The following KCNMB2 variants were observed in gnomAD, a reference collection of about 807,000 sequenced individuals.
KCNMB2 encodes the protein calcium-activated potassium channel subunit beta-2.
KCNMB2 carries 9 observed loss-of-function variants against 24.5 expected under a neutral mutation model. The observed-to-expected ratio is 0.37, with a 90% CI of 0.22 to 0.64. KCNMB2 has a LOEUF of 0.64. KCNMB2 is among the 30% of genes least tolerant of loss of function. The pLI is 0.63. For missense variants in KCNMB2, 226 were observed against 284.3 expected, an observed-to-expected ratio of 0.79 and a Z score of 1.47; for synonymous variants, 109 against 104.4, an observed-to-expected ratio of 1.04 and a Z score of -0.27.
intron 2 of KCNMB2, among the ~76,000 whole-genome samples, chr3:178,821,208 G>A (rs9878489): frequency 0.36 from 54,074 of 151,972 alleles, 10,435 homozygotes; most frequent in Non-Finnish European, 0.44. Context: ...AAGAACCAAA[G>A]GGTGATAAGC....
rs111670883 is a variant in KCNMB2, at chr3:178,683,513, A to G, written c.-67-123830A>G. Among the ~76,000 whole-genome samples, 9 of 152,328 alleles carry G rather than the reference A, an allele frequency of 5.9e-5. 1 individual carries two copies. The highest frequency in any genetic ancestry group is 2.2e-4 in the African/African-American group (9 of 41,572). ...TAAATACATGAAAATTATCATTTTA[A>G]CATGTAATCACATAGAAATTACTAA... is the stretch of plus-strand genomic sequence containing the variant. On this transcript the variant is annotated intron_variant, in intron 1 of 4. Transcript: ENST00000452583.
At chr3:178,833,881 T>C (rs1477886977) in intron 4 of KCNMB2, among the ~76,000 whole-genome samples, 1 of 152,186 alleles carries the variant, frequency 6.6e-6, no homozygotes, top group Admixed American at 6.5e-5. Context: ...ACTAATGGGC[T>C]CTGGGAGCTA....
At chr3:178,725,268 G>A (rs539660479) in intron 1 of KCNMB2, among the ~76,000 whole-genome samples, 2 of 152,058 alleles carry the variant, frequency 1.3e-5, no homozygotes, top group East Asian at 3.9e-4. Context: ...TTGTATGTGT[G>A]TGTGGCTATT....
intron 1 of KCNMB2, among the ~76,000 whole-genome samples, chr3:178,768,505 G>GA (rs1227814607): frequency 5.3e-5 from 8 of 152,022 alleles, no homozygotes; most frequent in Admixed American, 2.6e-4. Flanking sequence ...AATGGTTTGA[G>GA]AAAAAAATAT....
At chr3:178,818,181 T>C (rs1714481706) in intron 2 of KCNMB2, among the ~76,000 whole-genome samples, 1 of 152,230 alleles carries the variant, frequency 6.6e-6, no homozygotes, top group Non-Finnish European at 1.5e-5. Context: ...CTTTTGTTTC[T>C]CTGACTACTT....
At chr3:178,662,468 C>A (rs1720566638) in intron 1 of KCNMB2, among the ~76,000 whole-genome samples, 1 of 152,054 alleles carries the variant, frequency 6.6e-6, no homozygotes, top group African/African-American at 2.4e-5. Context: ...TAAAATATGA[C>A]CAAGGATGAA....
chr3:178,594,057 T>C (rs1717777626), intron 1 of KCNMB2, among the ~76,000 whole-genome samples: 2 of 151,728 alleles, frequency 1.3e-5, no homozygotes, highest in African/African-American at 4.8e-5. Flanking sequence ...CCTCCTTACC[T>C]ACCCAAGTGT....
chr3:178,679,728 T>A (rs1166034958), intron 1 of KCNMB2, among the ~76,000 whole-genome samples: 1 of 152,096 alleles, frequency 6.6e-6, no homozygotes, highest in African/African-American at 2.4e-5. Context: ...CCCTTTGACC[T>A]CTGGTGGTGT....
chr3:178,759,506 T>TAC (rs1711608255), intron 1 of KCNMB2, among the ~76,000 whole-genome samples: 1 of 125,126 alleles, frequency 8.0e-6, no homozygotes, highest in Admixed American at 8.2e-5. Context: ...AGGATATATA[T>TAC]ATATCTCTCC....
chr3:178,768,832 C>A (rs993604192), intron 1 of KCNMB2, among the ~76,000 whole-genome samples: 4 of 152,200 alleles, frequency 2.6e-5, no homozygotes, highest in Non-Finnish European at 4.4e-5. Flanking sequence ...GTACATTTCA[C>A]AGAGCAAATA....
chr3:178,667,382 A>T (rs1057495617), intron 1 of KCNMB2, among the ~76,000 whole-genome samples: 2 of 151,976 alleles, frequency 1.3e-5, no homozygotes, highest in African/African-American at 4.8e-5. Flanking sequence ...AGGGGTTATG[A>T]CCCTCATAAA....
At chr3:178,628,191 G>A (rs1452352597) in intron 1 of KCNMB2, among the ~76,000 whole-genome samples, 1 of 151,938 alleles carries the variant, frequency 6.6e-6, no homozygotes. Flanking sequence ...CTCCCTTCTT[G>A]TCAACATCCA....
intron 1 of KCNMB2, among the ~76,000 whole-genome samples, chr3:178,793,514 TG>T (rs764580123): frequency 2.1e-5 from 3 of 145,842 alleles, no homozygotes; most frequent in East Asian, 2.1e-4. Context: ...CTCTTCACCC[TG>T]GGGGGGTGGG....
chr3:178,734,215 G>T (rs181301131), intron 1 of KCNMB2, among the ~76,000 whole-genome samples: 19 of 152,286 alleles, frequency 1.2e-4, no homozygotes, highest in Admixed American at 2.6e-4. Flanking sequence ...GGTAATTTTA[G>T]ACAATATTTT....
chr3:178,799,203 T>G (rs1381520150), intron 1 of KCNMB2, among the ~76,000 whole-genome samples: 1 of 152,060 alleles, frequency 6.6e-6, no homozygotes, highest in Non-Finnish European at 1.5e-5. Context: ...GGGAGAGAAA[T>G]AGAAGACATC....
intron 1 of KCNMB2, among the ~76,000 whole-genome samples, chr3:178,738,094 A>C (rs1723375228): frequency 6.6e-6 from 1 of 152,128 alleles, no homozygotes; most frequent in South Asian, 2.1e-4. Context: ...ATTAACCTTT[A>C]GTACTAATTT....
chr3:178,590,604 G>A (rs1159798843), intron 1 of KCNMB2, among the ~76,000 whole-genome samples: 2 of 152,172 alleles, frequency 1.3e-5, no homozygotes, highest in African/African-American at 2.4e-5. Context: ...AGAGCTGTAT[G>A]CATTATCTTG....
At chr3:178,570,851 C>T (rs1355857662) in intron 1 of KCNMB2, among the ~76,000 whole-genome samples, 1 of 152,094 alleles carries the variant, frequency 6.6e-6, no homozygotes, top group Non-Finnish European at 1.5e-5. Flanking sequence ...CAAAGATATG[C>T]TATCTTACTT....
intron 1 of KCNMB2, among the ~76,000 whole-genome samples, chr3:178,608,398 T>C (rs1469435138): frequency 6.6e-6 from 1 of 152,188 alleles, no homozygotes; most frequent in Non-Finnish European, 1.5e-5. Context: ...TTTTTTTAAT[T>C]TTTGTGGGTA....
Sources: allele counts gnomAD v4.1 joint callset (sites outside exome capture counted in the v4.1 genomes callset), GRCh38; gene constraint gnomAD v4.1.1; transcripts MANE v1.5; gene names NCBI Gene and HGNC (gene_info 2026-07-23, HGNC 2026-07-21).